Variants in SWT1 observed in about 807,000 individuals in gnomAD.
The protein encoded by SWT1 is SWT1 RNA endoribonuclease homolog, also known as transcriptional protein SWT1.
A neutral mutation model predicts 107.3 loss-of-function variants in SWT1; 33 were observed. That is an observed-to-expected ratio of 0.31 (90% CI 0.23 to 0.41). The LOEUF (loss-of-function observed/expected upper bound fraction) is 0.41. SWT1 is among the 10% of genes least tolerant of loss of function. SWT1 has a pLI of 1.00. For missense variants in SWT1, 898 were observed against 1,028.9 expected (o/e 0.87, Z 1.74); for synonymous variants, 345 against 348.3 (o/e 0.99, Z 0.11).
intron 13 of SWT1, among the ~76,000 whole-genome samples, chr1:185,209,188 C>G (rs1658569799): frequency 6.6e-6 from 1 of 151,830 alleles, no homozygotes; most frequent in African/African-American, 2.4e-5. Context: ...AGCATGAGCT[C>G]CCCTCCTTCG....
chr1:185,199,474 T>G (rs1657685554), intron 10 of SWT1, among the ~76,000 whole-genome samples: 1 of 152,196 alleles, frequency 6.6e-6, no homozygotes, highest in African/African-American at 2.4e-5. Context: ...CATTTGCTTG[T>G]CTGTAAAGGA....
chr1:185,243,524 G>A (rs1463968168), intron 16 of SWT1, among the ~76,000 whole-genome samples: 1 of 152,136 alleles, frequency 6.6e-6, no homozygotes, highest in Non-Finnish European at 1.5e-5. Context: ...GTCCTCAAGG[G>A]TGTTTTCCAA....
intron 16 of SWT1, among the ~76,000 whole-genome samples, chr1:185,252,487 G>A (rs886617600): frequency 6.6e-6 from 1 of 152,258 alleles, no homozygotes; most frequent in Non-Finnish European, 1.5e-5. Context: ...ACTGGTGTGA[G>A]ATGGTATCCC....
rs1656041147 is a variant in SWT1, at chr1:185,181,826, T to C, written c.1027-120T>C. 6 of 987,428 alleles carry C rather than the reference T, an allele frequency of 6.1e-6. No individual in the cohort carries two copies. In the East Asian group the frequency reaches 1.3e-4, roughly 21 times the overall value. 61.2% of individuals were successfully genotyped at this position (987,428 alleles called of 1,614,324 possible). On this transcript the variant is annotated intron_variant, in intron 6 of 18. Coordinates refer to ENST00000367500, the MANE Select transcript of SWT1 (RefSeq NM_017673.7). ...CTTTTACTATGCTCCTTCAGAGTTT[T>C]ATAAAATTTTTTCTTTCCATAAACC...
rs142350389 is a variant in SWT1 at position 185,194,752 on chromosome 1, T to C, written c.1523+4110T>C. On this transcript the variant is annotated intron_variant, in intron 10 of 18. Transcript: ENST00000367500. ...TAGCATTTCCATTTTATTCTTATGG[T>C]TTTCATCTCTGTGAAACTGCTTGAT... Among the ~76,000 whole-genome samples, 308 of 152,302 alleles carry C rather than the reference T, an allele frequency of 2.0e-3. 4 individuals are homozygous for C. In the South Asian group the frequency reaches 0.031, roughly 15 times the overall value.
At chr1:185,201,118 C>G (rs942461504) in intron 10 of SWT1, among the ~76,000 whole-genome samples, 1 of 152,120 alleles carries the variant, frequency 6.6e-6, no homozygotes, top group Admixed American at 6.5e-5. Flanking sequence ...ATTCCAGCAT[C>G]CTAGGTTGAC....
chr1:185,183,395 A>T (rs898967174), intron 7 of SWT1, among the ~76,000 whole-genome samples: 2 of 151,860 alleles, frequency 1.3e-5, no homozygotes, highest in African/African-American at 4.8e-5. Flanking sequence ...GGTTCAAGCA[A>T]TTCTCCTGCC....
At chr1:185,191,501 A>G (rs1656946534) in intron 10 of SWT1, among the ~76,000 whole-genome samples, 1 of 152,146 alleles carries the variant, frequency 6.6e-6, no homozygotes, top group Admixed American at 6.5e-5. Context: ...CTTTCTGTGA[A>G]ATGGAGCTAC....
intron 16 of SWT1, among the ~76,000 whole-genome samples, chr1:185,255,112 A>G (rs1662377807): frequency 1.3e-5 from 2 of 151,952 alleles, no homozygotes; most frequent in Admixed American, 6.6e-5. Flanking sequence ...CTTAATCCTG[A>G]GTTCTAGTTT....
intron 16 of SWT1, among the ~76,000 whole-genome samples, chr1:185,247,548 C>T (rs891228546): frequency 2.6e-5 from 4 of 152,110 alleles, no homozygotes; most frequent in African/African-American, 9.7e-5. Flanking sequence ...ATTTATGTAT[C>T]ATAAAGATGA....
At chr1:185,284,642 C>T (rs1664839994) in intron 18 of SWT1, among the ~76,000 whole-genome samples, 1 of 152,162 alleles carries the variant, frequency 6.6e-6, no homozygotes, top group South Asian at 2.1e-4. Context: ...GACAGGAATT[C>T]TCAATAGTTG....
At chr1:185,196,605 TC>T (rs1471477292) in intron 10 of SWT1, among the ~76,000 whole-genome samples, 1 of 152,236 alleles carries the variant, frequency 6.6e-6, no homozygotes, top group Non-Finnish European at 1.5e-5. Context: ...TACTGATTCT[TC>T]CTATCCATGG....
Position 185,290,831 on chromosome 1 carries a change from G to A in SWT1, c.*28G>A. On this transcript the variant is annotated 3_prime_UTR_variant, in exon 19 of 19. Coordinates refer to ENST00000367500, the MANE Select transcript of SWT1 (RefSeq NM_017673.7). ...ACTGATTTGTAACTTTAAAGGAATTGCATTTGTCCTTAAGAATAACAGAGT... is the reference window on the plus strand; with the variant it reads ...ACTGATTTGTAACTTTAAAGGAATTACATTTGTCCTTAAGAATAACAGAGT... 1 of 1,582,734 alleles carries A rather than the reference G, an allele frequency of 6.3e-7. No individual in the cohort carries two copies. The highest frequency in any genetic ancestry group is 8.6e-7 in the Non-Finnish European group (1 of 1,162,558).
chr1:185,166,887 C>T (rs1654618720), intron 3 of SWT1, among the ~76,000 whole-genome samples: 1 of 152,080 alleles, frequency 6.6e-6, no homozygotes, highest in Non-Finnish European at 1.5e-5. Context: ...CTTAAGTCCT[C>T]TCACATATAT....
chr1:185,176,109 C>G (rs1056820767), intron 5 of SWT1, among the ~76,000 whole-genome samples: 2 of 151,698 alleles, frequency 1.3e-5, no homozygotes, highest in African/African-American at 2.4e-5. Flanking sequence ...GGGCAACATA[C>G]CGAGACGGGT....
Position 185,174,828 on chromosome 1 carries a change from T to TAGA in SWT1, c.685_687dup (p.Arg229dup). On this transcript the variant is annotated inframe_insertion, in exon 5 of 19. Transcript: ENST00000367500. ...AGATAATTAAGGAACCCTTGGGATC[T>TAGA]AGAAGACAGAAGATCAGTTTCAAAA... The TAGA allele has an allele frequency of 6.2e-7, 1 of 1,614,010 alleles. No individual in the cohort carries two copies. Among genetic ancestry groups the TAGA allele is most frequent in the Non-Finnish European group, 8.5e-7 (1 of 1,179,990 alleles).
intron 15 of SWT1, chr1:185,226,687 A>G (rs534619752): frequency 2.3e-6 from 1 of 443,968 alleles, no homozygotes; most frequent in African/African-American, 2.1e-5. Flanking sequence ...AACAAAAACA[A>G]ACAAACAAAA....
intron 10 of SWT1, among the ~76,000 whole-genome samples, chr1:185,194,521 C>A (rs1657224464): frequency 1.3e-5 from 2 of 151,708 alleles, no homozygotes; most frequent in South Asian, 4.2e-4. Context: ...TTCACAGGTA[C>A]CATAAGGATA....
intron 16 of SWT1, among the ~76,000 whole-genome samples, chr1:185,247,724 A>G (rs1487377078): frequency 6.6e-6 from 1 of 152,168 alleles, no homozygotes; most frequent in Non-Finnish European, 1.5e-5. Context: ...TTCAGTATGT[A>G]TGGCTCTCCT....
Sources: allele counts gnomAD v4.1 joint callset (sites outside exome capture counted in the v4.1 genomes callset), GRCh38; gene constraint gnomAD v4.1.1; transcripts MANE v1.5; gene names NCBI Gene and HGNC (gene_info 2026-07-23, HGNC 2026-07-21).